Variants in GPC6 observed in about 807,000 individuals in gnomAD.
GPC6 encodes glypican-6.
In GPC6, 14 loss-of-function variants were observed where a neutral mutation model predicts 55.2. That is an observed-to-expected ratio of 0.25 (90% CI 0.17 to 0.40). The LOEUF is 0.40. GPC6 is among the 10% of genes least tolerant of loss of function. GPC6 has a pLI of 1.00. For missense variants in GPC6, 641 were observed against 708.5 expected, an observed-to-expected ratio of 0.90 and a Z score of 1.08; for synonymous variants, 278 against 259.6, an observed-to-expected ratio of 1.07 and a Z score of -0.68.
intron 2 of GPC6, among the ~76,000 whole-genome samples, chr13:93,622,444 C>G (rs1878997812): frequency 6.6e-6 from 1 of 151,802 alleles, no homozygotes; most frequent in Non-Finnish European, 1.5e-5. Context: ...TGTAAGTGTT[C>G]CCTTTTCTCT....
At chr13:93,989,420 C>T (rs1376165406) in intron 3 of GPC6, among the ~76,000 whole-genome samples, 4 of 152,188 alleles carry the variant, frequency 2.6e-5, no homozygotes, top group African/African-American at 9.7e-5. Context: ...CCGCTGCTCA[C>T]CTGCTGGTAA....
chr13:93,545,835 T>C (rs1481990580), intron 2 of GPC6, among the ~76,000 whole-genome samples: 1 of 152,234 alleles, frequency 6.6e-6, no homozygotes, highest in African/African-American at 2.4e-5. Context: ...TTGTTTTAAA[T>C]GTCAGCAACA....
chr13:93,258,784 T>C (rs1425636796), intron 1 of GPC6, among the ~76,000 whole-genome samples: 1 of 151,000 alleles, frequency 6.6e-6, no homozygotes, highest in East Asian at 2.0e-4. Flanking sequence ...ACAGAAAAAA[T>C]AAAAAATAAA....
intron 3 of GPC6, among the ~76,000 whole-genome samples, chr13:93,880,597 G>A (rs1874899297): frequency 6.6e-6 from 1 of 152,040 alleles, no homozygotes; most frequent in Non-Finnish European, 1.5e-5. Flanking sequence ...ATAGTATTGG[G>A]AGATATACCC....
At chr13:94,280,035 C>T (rs576291038) in intron 4 of GPC6, among the ~76,000 whole-genome samples, 1 of 151,986 alleles carries the variant, frequency 6.6e-6, no homozygotes, top group East Asian at 1.9e-4. Flanking sequence ...CTAATATTGA[C>T]TGGGGTGTTA....
intron 2 of GPC6, among the ~76,000 whole-genome samples, chr13:93,602,991 T>C (rs896961246): frequency 6.7e-6 from 1 of 149,470 alleles, no homozygotes; most frequent in Non-Finnish European, 1.5e-5. Context: ...TTTTTCTTTT[T>C]TCTTTTTTCT....
At chr13:93,930,253 T>C (rs578164273) in intron 3 of GPC6, among the ~76,000 whole-genome samples, 8 of 142,760 alleles carry the variant, frequency 5.6e-5, no homozygotes, top group South Asian at 4.6e-4. Flanking sequence ...GGAAGGTTTT[T>C]AAAGGTTATT....
chr13:93,283,217 A>G (rs1878003974), intron 1 of GPC6, among the ~76,000 whole-genome samples: 1 of 152,168 alleles, frequency 6.6e-6, no homozygotes, highest in Non-Finnish European at 1.5e-5. Flanking sequence ...CAGCCTTCCC[A>G]TCTGCTCTAT....
At chr13:94,402,761 A>G (rs994552165) in intron 8 of GPC6, among the ~76,000 whole-genome samples, 1 of 152,184 alleles carries the variant, frequency 6.6e-6, no homozygotes, top group Non-Finnish European at 1.5e-5. Context: ...CCTTCTTCAC[A>G]AGGTGACAGG....
At chr13:93,927,192 C>A (rs1877905924) in intron 3 of GPC6, among the ~76,000 whole-genome samples, 1 of 152,116 alleles carries the variant, frequency 6.6e-6, no homozygotes, top group Non-Finnish European at 1.5e-5. Flanking sequence ...ATATCTTAGC[C>A]TGTCTGTGGA....
chr13:93,830,820 G>A (rs1187119664), intron 3 of GPC6: 3 of 382,212 alleles, frequency 7.8e-6, no homozygotes, highest in Non-Finnish European at 1.4e-5. Context: ...TAGTACCAAT[G>A]GTGCAAAAGC....
intron 1 of GPC6, among the ~76,000 whole-genome samples, chr13:93,477,138 T>C (rs1879329908): frequency 6.6e-6 from 1 of 152,124 alleles, no homozygotes; most frequent in African/African-American, 2.4e-5. Context: ...TTCCCAGTGG[T>C]TTCATGTTTA....
At chr13:93,765,974 C>T (rs2138884837) in intron 2 of GPC6, among the ~76,000 whole-genome samples, 1 of 152,280 alleles carries the variant, frequency 6.6e-6, no homozygotes, top group Non-Finnish European at 1.5e-5. Flanking sequence ...ACGTCAATGA[C>T]AAATGAGCCA....
At chr13:94,030,106 C>T (rs1415712815) in intron 4 of GPC6, among the ~76,000 whole-genome samples, 4 of 151,814 alleles carry the variant, frequency 2.6e-5, no homozygotes, top group African/African-American at 9.7e-5. Context: ...GGGTTCATGC[C>T]ATTCTCCTGT....
intron 6 of GPC6, among the ~76,000 whole-genome samples, chr13:94,366,238 G>A (rs1306608072): frequency 6.6e-6 from 1 of 152,160 alleles, no homozygotes; most frequent in Non-Finnish European, 1.5e-5. Flanking sequence ...AAAACTAAAT[G>A]TTCAAACATT....
chr13:93,323,526 TCTTCCAAGC>T (rs1323098285), intron 1 of GPC6, among the ~76,000 whole-genome samples: 1 of 152,218 alleles, frequency 6.6e-6, no homozygotes, highest in Admixed American at 6.5e-5. Flanking sequence ...TTTTCACCTG[TCTTCCAAGC>T]CCAGATCCCA....
chr13:93,887,159 AATTT>A (rs1185605404), intron 3 of GPC6, among the ~76,000 whole-genome samples: 3 of 152,070 alleles, frequency 2.0e-5, no homozygotes. Context: ...CATAATCTGA[AATTT>A]ATTTAGTTTC....
At chr13:94,098,222 G>T (rs1031693191) in intron 4 of GPC6, among the ~76,000 whole-genome samples, 2 of 152,128 alleles carry the variant, frequency 1.3e-5, no homozygotes, top group Non-Finnish European at 1.5e-5. Context: ...GCCGTATGAG[G>T]CCATGTAGTT....
chr13:93,234,270 A>T (rs1876158396), intron 1 of GPC6, among the ~76,000 whole-genome samples: 1 of 152,088 alleles, frequency 6.6e-6, no homozygotes, highest in Non-Finnish European at 1.5e-5. Flanking sequence ...GCTGTGAGGG[A>T]CTTTCCTTCA....
Sources: allele counts gnomAD v4.1 joint callset (sites outside exome capture counted in the v4.1 genomes callset), GRCh38; gene constraint gnomAD v4.1.1; transcripts MANE v1.5; gene names NCBI Gene and HGNC (gene_info 2026-07-23, HGNC 2026-07-21).